SLC2A12: variants seen among roughly 807,000 people sequenced by gnomAD.
SLC2A12 encodes the protein solute carrier family 2 member 12.
In SLC2A12, 23 loss-of-function variants were observed where a neutral mutation model predicts 41.8. The ratio of observed to expected loss-of-function variants is 0.55; its 90% confidence interval spans 0.40 to 0.78. The LOEUF is 0.78. Among genes scored for constraint, SLC2A12 ranks in the 30% least tolerant of loss-of-function variants. The probability of loss-of-function intolerance (pLI) is 0.00; values close to 1 mark genes in which losing one functional copy is unlikely to be tolerated. For synonymous variants in SLC2A12, 295 were observed against 285.9 expected (o/e 1.03, Z -0.32); for missense variants, 654 against 745.6 (o/e 0.88, Z 1.43).
intron 1 of SLC2A12, among the ~76,000 whole-genome samples, chr6:134,047,429 G>C (rs1262485318): frequency 6.6e-6 from 1 of 152,012 alleles, no homozygotes; most frequent in African/African-American, 2.4e-5. Flanking sequence ...AACTATTCTT[G>C]AATGAATAAT....
rs1308220332 is a variant in SLC2A12, at chr6:134,029,197, G to T, written c.628C>A (p.Gln210Lys). 1 of 1,614,072 alleles carries T rather than the reference G, an allele frequency of 6.2e-7. No homozygotes were observed. The highest frequency in any genetic ancestry group is 1.1e-5 in the South Asian group (1 of 91,080). ...FGLVIPLGVL[Q>K]AIAMYFLPPS... is the part of the protein sequence containing the mutation. ...GGAAGAAAATACATTGCAATTGCTT[G>T]CAAAACTCCCAAGGGAATCACAAGA... The change falls in exon 2 of 5, where the codon CAA (glutamine) becomes AAA (lysine). Residue 210 changes from glutamine (Q) to lysine (K), a missense_variant. Transcript: ENST00000275230.
In SLC2A12 at chr6:134,002,095, A is replaced by G. The variant is rs181489322; in HGVS notation, c.1602T>C (p.Tyr534=). ...GCAGGGATGCTAGACTCATGATTGTATATATAAAGCACACCCATGGCAGGC... is the reference window on the plus strand; with the variant it reads ...GCAGGGATGCTAGACTCATGATTGTGTATATAAAGCACACCCATGGCAGGC... ...LIGLPWVCFI[Y]TIMSLASLLF... is the part of the protein sequence containing the mutation. Residue 534 remains tyrosine (Y), a synonymous_variant, in exon 4 of 5, where the codon TAT becomes TAC. Coordinates refer to ENST00000275230, the MANE Select transcript of SLC2A12 (RefSeq NM_145176.3). The G allele has an allele frequency of 7.7e-5, 124 of 1,601,072 alleles. No homozygotes were observed. The East Asian group carries it at 2.2e-3, about 29-fold the overall frequency.
intron 1 of SLC2A12, among the ~76,000 whole-genome samples, chr6:134,047,913 G>C (rs1777481076): frequency 6.6e-6 from 1 of 152,228 alleles, no homozygotes. Flanking sequence ...TGGCAGGGCA[G>C]GCTTCCTGCA....
At chr6:133,992,996 T>TC (rs371666856) in intron 4 of SLC2A12, among the ~76,000 whole-genome samples, 1 of 152,194 alleles carries the variant, frequency 6.6e-6, no homozygotes, top group African/African-American at 2.4e-5. Context: ...GTCCTCTCAT[T>TC]CCGCTGAGCC....
intron 4 of SLC2A12, among the ~76,000 whole-genome samples, chr6:133,993,818 A>G (rs1165749538): frequency 2.0e-5 from 3 of 152,156 alleles, no homozygotes; most frequent in Non-Finnish European, 4.4e-5. Context: ...TGGAGCCTTG[A>G]GCATGCTTGA....
intron 4 of SLC2A12, among the ~76,000 whole-genome samples, chr6:133,994,424 A>G (rs935044581): frequency 6.6e-6 from 1 of 152,184 alleles, no homozygotes; most frequent in Non-Finnish European, 1.5e-5. Flanking sequence ...TGGCATATCA[A>G]TGAGATAAAA....
At chr6:134,032,896 AT>A (rs1777241985) in intron 1 of SLC2A12, among the ~76,000 whole-genome samples, 2 of 146,920 alleles carry the variant, frequency 1.4e-5, no homozygotes, top group Admixed American at 1.4e-4. Flanking sequence ...AAATAACTTA[AT>A]TTTTGGTGGT....
intron 2 of SLC2A12, among the ~76,000 whole-genome samples, chr6:134,009,533 T>G (rs1386780370): frequency 6.6e-6 from 1 of 152,094 alleles, no homozygotes; most frequent in Non-Finnish European, 1.5e-5. Context: ...ATGTGGAGCC[T>G]GTCAAGTTAA....
In SLC2A12 at chr6:134,002,128, A is replaced by T; in HGVS notation, c.1569T>A (p.Asp523Glu). 1 of 1,592,416 alleles carries T rather than the reference A, an allele frequency of 6.3e-7. No individual in the cohort carries two copies. Among genetic ancestry groups the T allele is most frequent in the Non-Finnish European group, 8.5e-7 (1 of 1,173,718 alleles). ...LISLTFLTVT[D>E]LIGLPWVCFI... Reference sequence around the variant, plus strand: ...AGCACACCCATGGCAGGCCAATAAGATCTATAAAGGACAAAAGAAATTGAT... The same window carrying T: ...AGCACACCCATGGCAGGCCAATAAGTTCTATAAAGGACAAAAGAAATTGAT... Residue 523 changes from aspartate to glutamate, a missense_variant and splice_region_variant, in exon 4 of 5, where the codon GAT (aspartate) becomes GAA (glutamate). Asp to Glu is a conservative substitution (Grantham distance 45). Around this residue, in one of 3 missense-constraint regions of SLC2A12, gnomAD observed 134 missense variants for 180.5 expected, o/e 0.74. Coordinates refer to ENST00000275230, the MANE Select transcript of SLC2A12 (RefSeq NM_145176.3).
intron 1 of SLC2A12, among the ~76,000 whole-genome samples, chr6:134,049,182 G>A (rs1773637952): frequency 6.6e-6 from 1 of 152,202 alleles, no homozygotes; most frequent in Non-Finnish European, 1.5e-5. Flanking sequence ...CCAGACTGTG[G>A]CATCTTCAGA....
rs1777160864 is a variant in SLC2A12, at chr6:134,029,223, C to G, written c.602G>C (p.Gly201Ala). The G allele has an allele frequency of 1.2e-6, 2 of 1,614,002 alleles. No homozygotes were observed. Among genetic ancestry groups the G allele is most frequent in the African/African-American group, 1.3e-5 (1 of 74,910 alleles). The stretch of plus-strand genomic sequence containing the variant: ...CAAAACTCCCAAGGGAATCACAAGA[C>G]CAAACATGTACTTCCAGCCATGGAA... Reference protein sequence around the residue: ...NVFHGWKYMFGLVIPLGVLQA... With the variant: ...NVFHGWKYMFALVIPLGVLQA... The change falls in exon 2 of 5, where the codon GGT becomes GCT. Residue 201 changes from glycine (G) to alanine (A), a missense_variant. This residue lies in a region of SLC2A12 where 411 missense variants were observed against 412.1 expected (regional missense o/e 1.00). Coordinates refer to ENST00000275230, the MANE Select transcript of SLC2A12 (RefSeq NM_145176.3).
At chr6:133,998,575 T>A (rs996992653) in intron 4 of SLC2A12, among the ~76,000 whole-genome samples, 2 of 152,222 alleles carry the variant, frequency 1.3e-5, no homozygotes, top group Admixed American at 1.3e-4. Context: ...AGGGTCTCAC[T>A]CTGTCACCCA....
Position 133,989,664 on chromosome 6 carries a change from C to G in SLC2A12, c.*1491G>C, listed in dbSNP as rs1190485778. 1.3e-5 allele frequency: 2 copies of G among 152,142 alleles called. No individual in the cohort carries two copies. The highest frequency in any genetic ancestry group is 2.9e-5 in the Non-Finnish European group (2 of 68,040). The allele number at this position is 152,142 out of a possible 1,614,324, so 9.4% of individuals were successfully genotyped here. On this transcript the variant is annotated 3_prime_UTR_variant, in exon 5 of 5. Transcript: ENST00000275230. ...TTTATACAGATAATACACTGCAGATCCAGGCCTTTTAGTCAGTCTCCTGAG... is the reference window on the plus strand; with the variant it reads ...TTTATACAGATAATACACTGCAGATGCAGGCCTTTTAGTCAGTCTCCTGAG...
chr6:134,034,370 C>G (rs1185697431), intron 1 of SLC2A12, among the ~76,000 whole-genome samples: 1 of 152,174 alleles, frequency 6.6e-6, no homozygotes, highest in African/African-American at 2.4e-5. Flanking sequence ...TTTCCCCTTC[C>G]CTTACTACTC....
At position 134,046,932 on chromosome 6, in the gene SLC2A12, A is replaced by G. The variant is rs146451987; in HGVS notation, c.103+5446T>C. Among the ~76,000 whole-genome samples the G allele has an allele frequency of 2.9e-3, 449 of 152,342 alleles. 3 individuals are homozygous for G. Among genetic ancestry groups the G allele is most frequent in the African/African-American group, 0.01 (425 of 41,572 alleles). ...AGGCAAAACAAAATAATACAGAAAA[A>G]AAATTTGAATTTATGATTTACTCTA... On this transcript the variant is annotated intron_variant, in intron 1 of 4. Coordinates refer to ENST00000275230, the MANE Select transcript of SLC2A12 (RefSeq NM_145176.3).
chr6:134,021,957 A>G (rs1056324179), intron 2 of SLC2A12, among the ~76,000 whole-genome samples: 2 of 152,188 alleles, frequency 1.3e-5, no homozygotes, highest in Non-Finnish European at 2.9e-5. Context: ...CCACACTGAT[A>G]AAGTATTGCC....
intron 1 of SLC2A12, among the ~76,000 whole-genome samples, chr6:134,038,356 T>G (rs986024879): frequency 1.8e-5 from 2 of 108,312 alleles, no homozygotes; most frequent in African/African-American, 1.3e-4. Context: ...TTTCTGCCTT[T>G]TTTTTTTTTT....
rs1420899609 is a variant in SLC2A12 at position 134,029,298 on chromosome 6, A to G, written c.527T>C (p.Val176Ala). The G allele has an allele frequency of 6.2e-7, 1 of 1,614,246 alleles. No homozygotes were observed. Among genetic ancestry groups the G allele is most frequent in the East Asian group, 2.2e-5 (1 of 44,880 alleles). ...AATATAGGCAGAAAGAATGCCGATG[A>G]CAATCATCAGCTCATTCAGTGACAC... is the stretch of plus-strand genomic sequence containing the variant. ...LLVSLNELMI[V>A]IGILSAYISN... Residue 176 changes from valine to alanine, a missense_variant, in exon 2 of 5, where the codon GTC (valine) becomes GCC (alanine). This residue lies in a region of SLC2A12 where 411 missense variants were observed against 412.1 expected (regional missense o/e 1.00). Transcript: ENST00000275230.
chr6:134,028,460 G>T lies in SLC2A12; in HGVS notation c.1365C>A (p.Asp455Glu). The T allele has an allele frequency of 1.2e-6, 2 of 1,614,140 alleles. No homozygotes were observed. The highest frequency in any genetic ancestry group is 1.3e-5 in the African/African-American group (1 of 75,046). Residue 455 changes from aspartate (D) to glutamate (E), a missense_variant, in exon 2 of 5, where the codon GAC becomes GAA. By Grantham distance (45) the Asp-to-Glu change is conservative. Transcript: ENST00000275230. ...TEYQIVTDPGDVPAFLKWLSL... is the reference protein window; with the variant it reads ...TEYQIVTDPGEVPAFLKWLSL... ...ACAGCCATTTCAAAAAAGCTGGGAC[G>T]TCCCCAGGGTCTGTGACTATCTGGT...
Sources: allele counts gnomAD v4.1 joint callset (sites outside exome capture counted in the v4.1 genomes callset), GRCh38; gene constraint gnomAD v4.1.1; regional missense constraint gnomAD v4.1.1; transcripts MANE v1.5; gene names NCBI Gene and HGNC (gene_info 2026-07-23, HGNC 2026-07-21).